ACSS1: variants seen among roughly 807,000 people sequenced by gnomAD.
ACSS1 encodes the protein acyl-CoA synthetase short chain family member 1, also known as acetyl-coenzyme A synthetase 2-like, mitochondrial.
ACSS1 carries 42 observed loss-of-function variants against 75.3 expected under a neutral mutation model. The observed-to-expected ratio is 0.56, with a 90% CI of 0.44 to 0.72. The LOEUF (loss-of-function observed/expected upper bound fraction) is 0.72, where lower values mean the gene tolerates loss of function less well. ACSS1 is among the 30% of genes least tolerant of loss of function. The probability of loss-of-function intolerance (pLI) is 0.00; values close to 1 mark genes in which losing one functional copy is unlikely to be tolerated. For synonymous variants in ACSS1, 380 were observed against 376.8 expected (o/e 1.01, Z -0.10); for missense variants, 782 against 935.7 (o/e 0.84, Z 2.14).
At chr20:25,037,010 A>AAGGG (rs1211225871) in intron 2 of ACSS1, among the ~76,000 whole-genome samples, 1 of 148,574 alleles carries the variant, frequency 6.7e-6, no homozygotes, top group Non-Finnish European at 1.5e-5. Context: ...GAAAGAAAGG[A>AAGGG]AGGAAGGAAG....
Position 25,015,156 on chromosome 20 carries a change from C to A in ACSS1, c.1321G>T (p.Asp441Tyr). ...TCCTCACCTGTCTGCCACCAGGTGT[C>A]CACCAGCGTGCACCTGCTGTCCCCC... ...VVGDSRCTLV[D>Y]TWWQTETGGI... Residue 441 changes from aspartate (D) to tyrosine (Y), a missense_variant, in exon 8 of 14, where the codon GAC (aspartate) becomes TAC (tyrosine). Asp to Tyr is a radical substitution (Grantham distance 160). This residue lies in a region of ACSS1 where 405 missense variants were observed against 552.6 expected (regional missense o/e 0.73). Coordinates refer to ENST00000323482, the MANE Select transcript of ACSS1 (RefSeq NM_032501.4). The A allele has an allele frequency of 5.6e-6, 9 of 1,612,440 alleles. No individual in the cohort carries two copies. The highest frequency in any genetic ancestry group is 6.8e-6 in the Non-Finnish European group (8 of 1,178,720).
At chr20:25,017,001 TGAGA>T (rs771209858) in intron 7 of ACSS1, among the ~76,000 whole-genome samples, 1 of 151,474 alleles carries the variant, frequency 6.6e-6, no homozygotes, top group Non-Finnish European at 1.5e-5. Context: ...TCTTTTTTTT[TGAGA>T]GAGAGAGACA....
chr20:25,015,149 C>T lies in ACSS1; in HGVS notation c.1328G>A (p.Trp443Ter). 1 of 1,611,284 alleles carries T rather than the reference C, an allele frequency of 6.2e-7. No individual in the cohort carries two copies. The highest frequency in any genetic ancestry group is 8.5e-7 in the Non-Finnish European group (1 of 1,177,848). ...GDSRCTLVDTWWQTETGGICI... is the reference protein window; with the variant it reads ...GDSRCTLVDT ...CCAGGCCTCCTCACCTGTCTGCCAC[C>T]AGGTGTCCACCAGCGTGCACCTGCT... Residue 443 changes from tryptophan (W) to a stop codon, truncating the protein, a stop_gained, in exon 8 of 14, where the codon TGG (tryptophan) becomes TAG (stop). Transcript: ENST00000323482. LOFTEE classifies it high-confidence loss of function.
chr20:25,039,124 G>C (rs2088961837), intron 2 of ACSS1, among the ~76,000 whole-genome samples: 2 of 152,176 alleles, frequency 1.3e-5, no homozygotes, highest in Admixed American at 6.5e-5. Flanking sequence ...TTCCCATGGA[G>C]AACCCACTTA....
intron 3 of ACSS1, among the ~76,000 whole-genome samples, chr20:25,029,771 C>T (rs1341029546): frequency 6.6e-6 from 1 of 152,120 alleles, no homozygotes; most frequent in African/African-American, 2.4e-5. Context: ...CTGCATAACA[C>T]TGTGAATGTA....
chr20:25,016,589 C>A (rs541256158), intron 7 of ACSS1, among the ~76,000 whole-genome samples: 2 of 152,372 alleles, frequency 1.3e-5, no homozygotes, highest in Admixed American at 6.5e-5. Context: ...GCAGTGGCCC[C>A]CGCATCCATG....
In ACSS1 at chr20:25,009,300, G is replaced by A. The variant is rs1313152557; in HGVS notation, c.1860C>T (p.Ile620=). ...QELKSMVATK[I]AKYAVPDEIL... ...TCTCATCAGGCACAGCATATTTGGC[G>A]ATCTTGGTGGCCACCATGGACTTGA... is the stretch of plus-strand genomic sequence containing the variant. The change falls in exon 13 of 14, where the codon ATC becomes ATT. Residue 620 remains isoleucine (I), a synonymous_variant. Transcript: ENST00000323482. 1.1e-5 allele frequency: 17 copies of A among 1,613,998 alleles called. No homozygotes were observed. In the Middle Eastern group the frequency reaches 1.3e-3, roughly 125 times the overall value.
In ACSS1 at chr20:25,032,975, C is replaced by T. The variant is rs148665427; in HGVS notation, c.432-2017G>A. Among the ~76,000 whole-genome samples the T allele has an allele frequency of 2.2e-4, 33 of 152,356 alleles. No homozygotes were observed. In the Middle Eastern group the frequency reaches 0.014, roughly 63 times the overall value. On this transcript the variant is annotated intron_variant, in intron 2 of 13. Coordinates refer to ENST00000323482, the MANE Select transcript of ACSS1 (RefSeq NM_032501.4). ...TCAGAAGGAGGACAAAGGCGCCTTT[C>T]AGTGGCGCCCCACCCACGCACCCCT...
intron 3 of ACSS1, among the ~76,000 whole-genome samples, chr20:25,029,130 A>G: frequency 6.6e-6 from 1 of 152,218 alleles, no homozygotes; most frequent in Non-Finnish European, 1.5e-5. Flanking sequence ...CAAATCATAT[A>G]TCTGATAGAG....
intron 9 of ACSS1, 115 bp downstream of exon 9, chr20:25,013,846 G>T: frequency 7.4e-7 from 1 of 1,349,488 alleles, no homozygotes. Context: ...ACGCTGCAAG[G>T]TCAGCAGCCT....
chr20:25,012,503 C>CT, intron 12 of ACSS1, 98 bp downstream of exon 12: 1 of 1,439,274 alleles, frequency 6.9e-7, no homozygotes, highest in Non-Finnish European at 9.7e-7. Flanking sequence ...ACAGTATCCC[C>CT]TATCACTCCA....
chr20:25,046,522 G>C (rs1289645579), intron 2 of ACSS1: 1 of 456,884 alleles, frequency 2.2e-6, no homozygotes, highest in Non-Finnish European at 4.0e-6. Flanking sequence ...CTGATGGAGA[G>C]AAACTGGCCC....
Position 25,024,919 on chromosome 20 carries a change from G to A in ACSS1, c.632-1278C>T, listed in dbSNP as rs574457743. On this transcript the variant is annotated intron_variant, in intron 3 of 13. Transcript: ENST00000323482. Reference sequence around the variant, plus strand: ...ACCCCTGCATCTGGCACCAAGAGCCGTGGCTACACACACTCTTTGGCCTTC... The same window carrying A: ...ACCCCTGCATCTGGCACCAAGAGCCATGGCTACACACACTCTTTGGCCTTC... Among the ~76,000 whole-genome samples, 24 of 152,252 alleles carry A rather than the reference G, an allele frequency of 1.6e-4. No individual in the cohort carries two copies. The South Asian group carries it at 4.6e-3, about 29-fold the overall frequency.
chr20:25,025,708 G>A (rs2122657383), intron 3 of ACSS1, among the ~76,000 whole-genome samples: 1 of 152,266 alleles, frequency 6.6e-6, no homozygotes, highest in Non-Finnish European at 1.5e-5. Flanking sequence ...CTGACTGTCA[G>A]CCAGGGGTCA....
intron 7 of ACSS1, among the ~76,000 whole-genome samples, chr20:25,015,463 T>G (rs1375681121): frequency 2.0e-5 from 3 of 151,988 alleles, no homozygotes; most frequent in South Asian, 2.1e-4. Context: ...ACCCGGCTAA[T>G]TTTTTGTATT....
At chr20:25,055,885 T>C (rs1005192920) in intron 1 of ACSS1, among the ~76,000 whole-genome samples, 1 of 152,198 alleles carries the variant, frequency 6.6e-6, no homozygotes, top group African/African-American at 2.4e-5. Flanking sequence ...CCTGGCCCTT[T>C]TTCATACTGT....
At chr20:25,027,764 G>A (rs1360774967) in intron 3 of ACSS1, among the ~76,000 whole-genome samples, 3 of 139,552 alleles carry the variant, frequency 2.1e-5, no homozygotes, top group African/African-American at 8.1e-5. Context: ...CAAAGTTGTT[G>A]CCAGAGTGAT....
chr20:25,042,648 G>A (rs2089023049), intron 2 of ACSS1, among the ~76,000 whole-genome samples: 1 of 152,134 alleles, frequency 6.6e-6, no homozygotes, highest in African/African-American at 2.4e-5. Context: ...AGGGGCAAGG[G>A]TCACCCACTA....
chr20:25,035,653 C>G (rs1443036730), intron 2 of ACSS1, among the ~76,000 whole-genome samples: 1 of 152,228 alleles, frequency 6.6e-6, no homozygotes, highest in Non-Finnish European at 1.5e-5. Flanking sequence ...ATCCACTGGC[C>G]TTGGCCTCCC....
Sources: allele counts gnomAD v4.1 joint callset (sites outside exome capture counted in the v4.1 genomes callset), GRCh38; gene constraint gnomAD v4.1.1; regional missense constraint gnomAD v4.1.1; transcripts MANE v1.5; gene names NCBI Gene and HGNC (gene_info 2026-07-23, HGNC 2026-07-21).